Variants in ZNF670 observed in about 807,000 individuals in gnomAD.
The protein encoded by ZNF670 is zinc finger protein 670.
In ZNF670, 7 loss-of-function variants were observed where a neutral mutation model predicts 10.9. The ratio of observed to expected loss-of-function variants is 0.64; its 90% CI spans 0.36 to 1.20. ZNF670 has a LOEUF of 1.20. Ranked by LOEUF, ZNF670 falls within the 50% of genes most tolerant of loss-of-function variation. The pLI, the probability that ZNF670 is intolerant of heterozygous loss-of-function variation, is 0.02. For missense variants in ZNF670, 446 were observed against 458.6 expected (o/e 0.97, Z 0.25); for synonymous variants, 136 against 152.7 (o/e 0.89, Z 0.81).
intron 1 of ZNF670, among the ~76,000 whole-genome samples, chr1:247,066,823 G>A (rs780037658): frequency 2.6e-5 from 4 of 152,100 alleles, no homozygotes; most frequent in East Asian, 1.9e-4. Flanking sequence ...TTTCATCTGC[G>A]TGATAAAACC....
intron 1 of ZNF670, among the ~76,000 whole-genome samples, chr1:247,074,934 C>T (rs1671219246): frequency 2.0e-5 from 3 of 152,136 alleles, no homozygotes; most frequent in Admixed American, 6.5e-5. Context: ...GAAAATTACA[C>T]CCTTAAAAAG....
At chr1:247,067,189 A>G (rs975048244) in intron 1 of ZNF670, among the ~76,000 whole-genome samples, 2 of 152,030 alleles carry the variant, frequency 1.3e-5, no homozygotes, top group African/African-American at 4.8e-5. Flanking sequence ...TAATCCTAGC[A>G]CGTTGGGAAG....
At chr1:247,042,383 G>A (rs1367135946) in intron 1 of ZNF670, among the ~76,000 whole-genome samples, 4 of 152,196 alleles carry the variant, frequency 2.6e-5, no homozygotes, top group South Asian at 2.1e-4. Context: ...CGATGGTCAC[G>A]GGCAGAGATG....
At position 247,039,599 on chromosome 1, in the gene ZNF670, A is replaced by T. The variant is rs150762635; in HGVS notation, c.4-62T>A. The T allele has an allele frequency of 1.4e-3, 1,926 of 1,416,872 alleles. 6 individuals carry two copies. Among genetic ancestry groups the T allele is most frequent in the Non-Finnish European group, 1.1e-3 (1,191 of 1,081,294 alleles). 87.8% of individuals were successfully genotyped at this position (1,416,872 alleles called of 1,614,324 possible). A position where few individuals can be genotyped will look rare whatever the true frequency, so the allele number is the denominator to read the frequency against. On this transcript the variant is annotated intron_variant, in intron 1 of 3. Coordinates refer to ENST00000366503, the MANE Select transcript of ZNF670 (RefSeq NM_033213.5). ...TAGACAGACAGTACTAAGAATCTAT[A>T]CTCATCTCATAAAATCGTAACATAA... is the stretch of plus-strand genomic sequence containing the variant.
At chr1:247,052,180 C>T (rs1261526939) in intron 1 of ZNF670, among the ~76,000 whole-genome samples, 2 of 152,078 alleles carry the variant, frequency 1.3e-5, no homozygotes, top group South Asian at 2.1e-4. Flanking sequence ...TGTCATATTA[C>T]CAGAATTGTT....
intron 1 of ZNF670, among the ~76,000 whole-genome samples, chr1:247,065,148 T>C (rs6695894): frequency 0.59 from 89,487 of 152,152 alleles, 29,501 homozygotes; most frequent in African/African-American, 0.89. Flanking sequence ...AAGATGCCAA[T>C]AAGAAACTAA....
intron 1 of ZNF670, among the ~76,000 whole-genome samples, chr1:247,068,193 C>T (rs920497947): frequency 1.3e-5 from 2 of 149,802 alleles, no homozygotes; most frequent in Admixed American, 6.6e-5. Context: ...TGGTGTACAT[C>T]TGTAATCCCA....
At chr1:247,075,932 A>G (rs1671240536) in intron 1 of ZNF670, among the ~76,000 whole-genome samples, 1 of 152,242 alleles carries the variant, frequency 6.6e-6, no homozygotes, top group Non-Finnish European at 1.5e-5. Flanking sequence ...AATTTTTAAC[A>G]AATGGAATAT....
chr1:247,061,164 GT>G (rs1261120082), intron 1 of ZNF670, among the ~76,000 whole-genome samples: 1 of 151,106 alleles, frequency 6.6e-6, no homozygotes, highest in Non-Finnish European at 1.5e-5. Context: ...CCGAAACACT[GT>G]CAAGCTGTTA....
At position 247,037,627 on chromosome 1, in the gene ZNF670, T is replaced by C. The variant is rs146950973; in HGVS notation, c.992A>G (p.His331Arg). ...SSNLCEHERT[H>R]TGVKPYGCKE... ...ACATCCATAAGGTTTCACTCCAGTGTGAGTTCTTTCATGCTCACATAGGTT... is the reference window on the plus strand; with the variant it reads ...ACATCCATAAGGTTTCACTCCAGTGCGAGTTCTTTCATGCTCACATAGGTT... Residue 331 changes from histidine (H) to arginine (R), a missense_variant, in exon 4 of 4, where the codon CAC (histidine) becomes CGC (arginine). Transcript: ENST00000366503. The C allele has an allele frequency of 6.2e-7, 1 of 1,614,122 alleles. No individual in the cohort carries two copies. The highest frequency in any genetic ancestry group is 2.2e-5 in the East Asian group (1 of 44,874).
chr1:247,051,299 T>C (rs886303652), intron 1 of ZNF670, among the ~76,000 whole-genome samples: 1 of 152,058 alleles, frequency 6.6e-6, no homozygotes, highest in African/African-American at 2.4e-5. Context: ...GCAGTTGTTG[T>C]AGTGCTGGTT....
rs1670212902 is a variant in ZNF670 at position 247,038,228 on chromosome 1, ATAGT to A, written c.387_390del (p.Lys129AsnfsTer32). 1 of 1,614,032 alleles carries A rather than the reference ATAGT, an allele frequency of 6.2e-7. No individual in the cohort carries two copies. Among genetic ancestry groups the A allele is most frequent in the African/African-American group, 1.3e-5 (1 of 74,928 alleles). Reference sequence around the variant, plus strand: ...TTCTCTGGACATTCCTCACACTCAAATAGTTTGTTTCCAATGTGAGACAGGATGT... The same window carrying A: ...TTCTCTGGACATTCCTCACACTCAAATTGTTTCCAATGTGAGACAGGATGT... On this transcript the variant is annotated frameshift_variant, in exon 4 of 4. Transcript: ENST00000366503. LOFTEE classifies it low-confidence loss of function (END_TRUNC).
At chr1:247,051,572 C>T (rs1558340544) in intron 1 of ZNF670, among the ~76,000 whole-genome samples, 1 of 152,154 alleles carries the variant, frequency 6.6e-6, no homozygotes, top group Admixed American at 6.5e-5. Context: ...TTTTAGATAA[C>T]CTGATGAGTA....
chr1:247,044,675 C>T (rs1670397323), intron 1 of ZNF670, among the ~76,000 whole-genome samples: 1 of 152,068 alleles, frequency 6.6e-6, no homozygotes, highest in African/African-American at 2.4e-5. Context: ...CAGCTGGAGG[C>T]CATTATCATA....
chr1:247,062,030 C>T (rs4319379), intron 1 of ZNF670, among the ~76,000 whole-genome samples: 57,552 of 152,078 alleles, frequency 0.38, 12,514 homozygotes, highest in African/African-American at 0.58. Context: ...TATTTGAGTA[C>T]TCTAGGGGTT....
At chr1:247,076,872 G>A (rs928658236) in intron 1 of ZNF670, among the ~76,000 whole-genome samples, 8 of 152,154 alleles carry the variant, frequency 5.3e-5, no homozygotes, top group African/African-American at 1.9e-4. Context: ...TACTGGCAAG[G>A]CTGGTCTCAA....
At chr1:247,068,008 A>G (rs1442280832) in intron 1 of ZNF670, among the ~76,000 whole-genome samples, 1 of 150,682 alleles carries the variant, frequency 6.6e-6, no homozygotes, top group Non-Finnish European at 1.5e-5. Flanking sequence ...TAGGAAAAAA[A>G]TCTAATAATC....
intron 1 of ZNF670, among the ~76,000 whole-genome samples, chr1:247,042,438 G>C (rs765179356): frequency 6.6e-6 from 1 of 152,222 alleles, no homozygotes; most frequent in East Asian, 1.9e-4. Context: ...ATTGACACTT[G>C]TGGATCCATT....
At chr1:247,072,979 G>A (rs975332210) in intron 1 of ZNF670, among the ~76,000 whole-genome samples, 1 of 151,360 alleles carries the variant, frequency 6.6e-6, no homozygotes, top group African/African-American at 2.4e-5. Context: ...TCTGCTTCAT[G>A]ATAGTTAATC....
Sources: gnomAD v4.1 joint callset for allele counts (sites outside exome capture counted in the v4.1 genomes callset) on GRCh38, gnomAD v4.1.1 for gene constraint, MANE v1.5 for transcripts, NCBI Gene and HGNC (gene_info 2026-07-23, HGNC 2026-07-21) for gene names.